The following CSMD3 variants were observed in gnomAD, a reference collection of about 807,000 sequenced individuals.
CSMD3 encodes the protein CUB and sushi domain-containing protein 3.
Under a neutral mutation model 435.2 loss-of-function variants are expected in CSMD3, and 177 were observed. That is an observed-to-expected ratio of 0.41 (90% CI 0.36 to 0.46). The LOEUF (loss-of-function observed/expected upper bound fraction) is 0.46. Among genes scored for constraint, CSMD3 ranks in the 20% least tolerant of loss-of-function variants. CSMD3 has a pLI of 0.34. For missense variants in CSMD3, 4,265 were observed against 4,504.6 expected (o/e 0.95, Z 1.52); for synonymous variants, 1,656 against 1,520.5 (o/e 1.09, Z -2.07).
intron 13 of CSMD3, among the ~76,000 whole-genome samples, chr8:112,778,206 C>T (rs1042998327): frequency 2.6e-5 from 4 of 151,856 alleles, no homozygotes; most frequent in Non-Finnish European, 2.9e-5. Flanking sequence ...AATGAAACTA[C>T]ACTGACACAT....
At chr8:112,816,388 T>C (rs1333835118) in intron 12 of CSMD3, among the ~76,000 whole-genome samples, 3 of 152,082 alleles carry the variant, frequency 2.0e-5, no homozygotes, top group Non-Finnish European at 4.4e-5. Context: ...TCTTAATAAT[T>C]ATAACACAAG....
intron 13 of CSMD3, among the ~76,000 whole-genome samples, chr8:112,793,143 T>G (rs887924567): frequency 6.8e-6 from 1 of 147,666 alleles, no homozygotes; most frequent in Non-Finnish European, 1.5e-5. Flanking sequence ...ATTTAATATA[T>G]TACATATTAA....
chr8:112,960,039 T>C (rs1587767675), intron 7 of CSMD3, among the ~76,000 whole-genome samples: 1 of 151,852 alleles, frequency 6.6e-6, no homozygotes, highest in East Asian at 1.9e-4. Context: ...AAGACTAATG[T>C]CATCAGAATT....
At position 113,436,661 on chromosome 8, in the gene CSMD3, C is replaced by A. The variant is rs763334675; in HGVS notation, c.178+16G>T. ...ACCTCCATCCAAAGCGGAGGGGACC[C>A]CCAAAGCAGACCTACCTTTCACACA... On this transcript the variant is annotated intron_variant, in intron 1 of 70. Transcript: ENST00000297405. 1 of 1,613,904 alleles carries A rather than the reference C, an allele frequency of 6.2e-7. No individual in the cohort carries two copies. The highest frequency in any genetic ancestry group is 1.1e-5 in the South Asian group (1 of 91,070).
chr8:113,113,703 T>C (rs900874395), intron 4 of CSMD3, among the ~76,000 whole-genome samples: 2 of 152,192 alleles, frequency 1.3e-5, no homozygotes, highest in African/African-American at 4.8e-5. Flanking sequence ...TATGTTTCAA[T>C]AAATTTTCCT....
chr8:113,058,914 T>C (rs184204212), intron 5 of CSMD3, among the ~76,000 whole-genome samples: 15 of 152,178 alleles, frequency 9.9e-5, no homozygotes, highest in Non-Finnish European at 8.8e-5. Context: ...GGAGATAATA[T>C]AGACTTCAAC....
intron 7 of CSMD3, among the ~76,000 whole-genome samples, chr8:112,957,402 G>A (rs570477252): frequency 6.6e-6 from 1 of 152,262 alleles, no homozygotes; most frequent in Non-Finnish European, 1.5e-5. Context: ...TCCCTCCACT[G>A]TATGGTAAGC....
intron 1 of CSMD3, among the ~76,000 whole-genome samples, chr8:113,436,101 T>G (rs1263070928): frequency 6.6e-6 from 1 of 152,072 alleles, no homozygotes; most frequent in Non-Finnish European, 1.5e-5. Context: ...CTACCACAGG[T>G]CCTAGGGAAG....
intron 3 of CSMD3, among the ~76,000 whole-genome samples, chr8:113,274,483 T>G: frequency 6.6e-6 from 1 of 152,058 alleles, no homozygotes; most frequent in East Asian, 1.9e-4. Context: ...TTAAGTACTT[T>G]CAAGCAAATT....
At chr8:113,133,263 A>C (rs953332844) in intron 4 of CSMD3, among the ~76,000 whole-genome samples, 1 of 152,176 alleles carries the variant, frequency 6.6e-6, no homozygotes, top group African/African-American at 2.4e-5. Flanking sequence ...GAATTGTTAG[A>C]TATTTCTCCA....
chr8:112,810,552 G>A (rs1009246610), intron 12 of CSMD3, among the ~76,000 whole-genome samples: 3 of 151,970 alleles, frequency 2.0e-5, no homozygotes, highest in South Asian at 2.1e-4. Context: ...ATTGATTTGG[G>A]CTTATGTGAA....
intron 38 of CSMD3, among the ~76,000 whole-genome samples, chr8:112,362,034 A>T (rs1278267537): frequency 6.6e-6 from 1 of 152,042 alleles, no homozygotes. Context: ...TTCCACATCT[A>T]TCATTATAAA....
intron 10 of CSMD3, among the ~76,000 whole-genome samples, chr8:112,860,321 T>G (rs2080790894): frequency 6.6e-6 from 1 of 151,896 alleles, no homozygotes; most frequent in African/African-American, 2.4e-5. Flanking sequence ...CTTGTGTTGA[T>G]TTAATAGTTA....
rs565243299 is a variant in CSMD3 at position 112,594,064 on chromosome 8, C to T, written c.3716-6829G>A. Among the ~76,000 whole-genome samples, 9 of 152,232 alleles carry T rather than the reference C, an allele frequency of 5.9e-5. No individual in the cohort carries two copies. The South Asian group carries it at 8.3e-4, about 14-fold the overall frequency. On this transcript the variant is annotated intron_variant, in intron 22 of 70. Coordinates refer to ENST00000297405, the MANE Select transcript of CSMD3 (RefSeq NM_198123.2). ...TCCGGTCTACAGCTCCCAGTGTGAG[C>T]GACGCAGAACACGGGTGATTTCTGC...
At chr8:112,231,685 T>G in intron 68 of CSMD3, 53 bp from the exon 69 acceptor site, 1 of 1,025,928 alleles carries the variant, frequency 9.7e-7, no homozygotes, top group East Asian at 2.4e-5. Context: ...TAGCTATATT[T>G]TCCCAGCCTT....
rs142786100 is a variant in CSMD3, at chr8:112,393,274, A to G, written c.5810-2486T>C. Among the ~76,000 whole-genome samples the G allele has an allele frequency of 8.9e-3, 1,350 of 152,218 alleles. 15 individuals are homozygous for G. Among genetic ancestry groups the G allele is most frequent in the Middle Eastern group, 0.021 (6 of 290 alleles). On this transcript the variant is annotated intron_variant, in intron 35 of 70. Transcript: ENST00000297405. ...AATTTCCCAAGTCCTCATCATCTTA[A>G]TCCCCCAACCCAGTCCAGCCTTCTA...
chr8:112,246,426 T>C (rs1353008271), intron 64 of CSMD3, among the ~76,000 whole-genome samples: 1 of 152,194 alleles, frequency 6.6e-6, no homozygotes, highest in Admixed American at 6.5e-5. Flanking sequence ...AAAAGCCAAA[T>C]AGCTGACCAG....
At chr8:112,606,425 C>T (rs548164096) in intron 22 of CSMD3, among the ~76,000 whole-genome samples, 2 of 152,276 alleles carry the variant, frequency 1.3e-5, no homozygotes, top group South Asian at 2.1e-4. Context: ...AATAGCTCCA[C>T]TGACTCCATC....
At chr8:112,298,346 T>G (rs532544112) in intron 53 of CSMD3, among the ~76,000 whole-genome samples, 1 of 152,202 alleles carries the variant, frequency 6.6e-6, no homozygotes, top group East Asian at 1.9e-4. Context: ...CAATAAATAG[T>G]GCAAGATACA....
Sources: gnomAD v4.1 joint callset for allele counts (sites outside exome capture counted in the v4.1 genomes callset) on GRCh38, gnomAD v4.1.1 for gene constraint, MANE v1.5 for transcripts, NCBI Gene and HGNC (gene_info 2026-07-23, HGNC 2026-07-21) for gene names.